Variants in WHRN observed in about 807,000 individuals in gnomAD.
The protein encoded by WHRN is CASK-interacting protein CIP98.
Under a neutral mutation model 68.3 loss-of-function variants are expected in WHRN, and 41 were observed. That is an observed-to-expected ratio of 0.60 (90% CI 0.47 to 0.78). The LOEUF is 0.78. Among genes scored for constraint, WHRN ranks in the 30% least tolerant of loss-of-function variants. The pLI, the probability that WHRN is intolerant of heterozygous loss-of-function variation, is 0.00. For missense variants in WHRN, 1,243 were observed against 1,244.7 expected, an observed-to-expected ratio of 1.00 and a Z score of 0.02; for synonymous variants, 560 against 561.3, an observed-to-expected ratio of 1.00 and a Z score of 0.03.
chr9:114,486,255 G>A lies in WHRN; in HGVS notation c.619-7484C>T, dbSNP rs79051705. On this transcript the variant is annotated intron_variant, in intron 1 of 11. Transcript: ENST00000362057. ...ATCCTTCTTTAATCCACATTTCCTC[G>A]TATCTGCGCTGCCTTCAACACTCAG... Among the ~76,000 whole-genome samples the A allele has an allele frequency of 1.4e-3, 214 of 152,004 alleles. 3 individuals carry two copies. Among genetic ancestry groups the A allele is most frequent in the East Asian group, 5.4e-3 (28 of 5,168 alleles).
intron 1 of WHRN, among the ~76,000 whole-genome samples, chr9:114,493,033 T>C (rs1167766806): frequency 6.6e-6 from 1 of 151,216 alleles, no homozygotes; most frequent in Non-Finnish European, 1.5e-5. Flanking sequence ...AGAAAAACAA[T>C]TAAGTCCATA....
chr9:114,449,204 G>A (rs1390013753), intron 3 of WHRN, among the ~76,000 whole-genome samples: 1 of 152,246 alleles, frequency 6.6e-6, no homozygotes, highest in Admixed American at 6.5e-5. Flanking sequence ...ATGACCACAT[G>A]TAAAGCCAGA....
chr9:114,480,288 C>T (rs1841997034), intron 1 of WHRN, among the ~76,000 whole-genome samples: 1 of 152,070 alleles, frequency 6.6e-6, no homozygotes, highest in Admixed American at 6.6e-5. Context: ...CCCAAGGAGA[C>T]ACTCACTAAG....
rs1835076803 is a variant in WHRN at position 114,406,893 on chromosome 9, CT to C, written c.1699-2del. 2 of 1,569,632 alleles carry C rather than the reference CT, an allele frequency of 1.3e-6. No individual in the cohort carries two copies. The highest frequency in any genetic ancestry group is 1.9e-5 in the Admixed American group (1 of 52,760). On this transcript the variant is annotated splice_acceptor_variant, in intron 8 of 11. Transcript: ENST00000362057. LOFTEE classifies it high-confidence loss of function. Reference sequence around the variant, plus strand: ...CCTGGGAGGTGGATCTGACATCATCCTGCCAAAAGACCCAACAGGCGGAGAA... The same window carrying C: ...CCTGGGAGGTGGATCTGACATCATCCGCCAAAAGACCCAACAGGCGGAGAA...
chr9:114,429,123 GT>G (rs1407389283), intron 3 of WHRN, among the ~76,000 whole-genome samples: 3 of 152,252 alleles, frequency 2.0e-5, no homozygotes, highest in Admixed American at 6.5e-5. Flanking sequence ...TAGAGGTGGG[GT>G]TTTGCCATGT....
intron 1 of WHRN, among the ~76,000 whole-genome samples, chr9:114,501,136 G>C (rs1843885762): frequency 6.6e-6 from 1 of 152,216 alleles, no homozygotes; most frequent in African/African-American, 2.4e-5. Flanking sequence ...GAAGTATGCA[G>C]CAGGGCCTAA....
At position 114,408,123 on chromosome 9, in the gene WHRN, G is replaced by A. The variant is rs962356622; in HGVS notation, c.1627-105C>T. ...TGAGGAAGTCTTAGGACACCTCCAT[G>A]TGGTTCATGTGAGCCCTGACATACC... On this transcript the variant is annotated intron_variant, in intron 7 of 11. Transcript: ENST00000362057. 5 of 880,964 alleles carry A rather than the reference G, an allele frequency of 5.7e-6. No homozygotes were observed. In the African/African-American group the frequency reaches 6.6e-5, roughly 12 times the overall value. The allele number at this position is 880,964 out of a possible 1,614,324, so 54.6% of individuals were successfully genotyped here. A position where few individuals can be genotyped will look rare whatever the true frequency, so the allele number is the denominator to read the frequency against.
intron 3 of WHRN, among the ~76,000 whole-genome samples, chr9:114,428,658 A>T (rs1473375282): frequency 6.6e-6 from 1 of 152,100 alleles, no homozygotes; most frequent in Non-Finnish European, 1.5e-5. Flanking sequence ...CTGTTTGGGG[A>T]CCACGTGATA....
chr9:114,492,241 T>G (rs1165471518), intron 1 of WHRN, among the ~76,000 whole-genome samples: 2 of 152,118 alleles, frequency 1.3e-5, no homozygotes, highest in Non-Finnish European at 2.9e-5. Context: ...TCAGAAGCTT[T>G]AAAATTGCGC....
At chr9:114,430,025 C>T (rs1837273402) in intron 3 of WHRN, among the ~76,000 whole-genome samples, 1 of 152,218 alleles carries the variant, frequency 6.6e-6, no homozygotes, top group Non-Finnish European at 1.5e-5. Flanking sequence ...TAAGTATGCC[C>T]CTCAATAGCT....
intron 7 of WHRN, among the ~76,000 whole-genome samples, chr9:114,411,199 C>T (rs778572991): frequency 6.6e-6 from 1 of 152,200 alleles, no homozygotes; most frequent in Non-Finnish European, 1.5e-5. Context: ...GCAGCCCTCT[C>T]ACACCACCTC....
Position 114,402,818 on chromosome 9 carries a change from G to T in WHRN, c.2660C>A (p.Ala887Asp). 1.2e-6 allele frequency: 2 copies of T among 1,614,110 alleles called. No homozygotes were observed. The highest frequency in any genetic ancestry group is 1.7e-6 in the Non-Finnish European group (2 of 1,180,026). Reference sequence around the variant, plus strand: ...GTAGTCACGGTCCTTAGTCTTGAAGGCCTCGGCGATAATGCGGGCGGCCTC... The same window carrying T: ...GTAGTCACGGTCCTTAGTCTTGAAGTCCTCGGCGATAATGCGGGCGGCCTC... ...HREAARIIAEAFKTKDRDYID... is the reference protein window; with the variant it reads ...HREAARIIAEDFKTKDRDYID... Residue 887 changes from alanine (A) to aspartate (D), a missense_variant, in exon 12 of 12, where the codon GCC (alanine) becomes GAC (aspartate). Coordinates refer to ENST00000362057, the MANE Select transcript of WHRN (RefSeq NM_015404.4).
At chr9:114,472,821 C>G (rs1328401303) in intron 2 of WHRN, among the ~76,000 whole-genome samples, 2 of 152,224 alleles carry the variant, frequency 1.3e-5, no homozygotes, top group East Asian at 3.9e-4. Context: ...AGGCACTGTG[C>G]TCTGTGCTTA....
At position 114,443,572 on chromosome 9, in the gene WHRN, G is replaced by A. The variant is rs115921000; in HGVS notation, c.964-17159C>T. Among the ~76,000 whole-genome samples, 1,149 of 152,258 alleles carry A rather than the reference G, an allele frequency of 7.5e-3. 15 individuals carry two copies. Among genetic ancestry groups the A allele is most frequent in the South Asian group, 0.034 (163 of 4,816 alleles). ...CTTGTGATGACACGCGACCCACCAG[G>A]ATAATCCAGGATCATCTCCCTACCT... On this transcript the variant is annotated intron_variant, in intron 3 of 11. Transcript: ENST00000362057.
chr9:114,468,526 C>T lies in WHRN; in HGVS notation c.838-2134G>A, dbSNP rs1409581091. Among the ~76,000 whole-genome samples, 3 of 152,096 alleles carry T rather than the reference C, an allele frequency of 2.0e-5. 1 individual carries two copies. The highest frequency in any genetic ancestry group is 7.2e-5 in the African/African-American group (3 of 41,420). On this transcript the variant is annotated intron_variant, in intron 2 of 11. Coordinates refer to ENST00000362057, the MANE Select transcript of WHRN (RefSeq NM_015404.4). ...AATAGACAGTGACTCTCCAGGGTTT[C>T]GTTCCAAGATGGCAGACTCTGCGGT...
intron 3 of WHRN, among the ~76,000 whole-genome samples, chr9:114,430,440 G>C (rs1366319346): frequency 1.3e-5 from 2 of 152,122 alleles, no homozygotes; most frequent in East Asian, 3.9e-4. Flanking sequence ...TGAAAATCTA[G>C]CCACCCTGGG....
At position 114,438,891 on chromosome 9, in the gene WHRN, A is replaced by G. The variant is rs545323895; in HGVS notation, c.964-12478T>C. On this transcript the variant is annotated intron_variant, in intron 3 of 11. Coordinates refer to ENST00000362057, the MANE Select transcript of WHRN (RefSeq NM_015404.4). ...AACCTAAATGTCCATACAGAGGAGA[A>G]CGGTTGGATAACGTATGGTACAGCC... Among the ~76,000 whole-genome samples, 9 of 152,352 alleles carry G rather than the reference A, an allele frequency of 5.9e-5. No individual in the cohort carries two copies. The South Asian group carries it at 1.9e-3, about 32-fold the overall frequency.
intron 1 of WHRN, among the ~76,000 whole-genome samples, chr9:114,497,343 C>A (rs1843544966): frequency 6.6e-6 from 1 of 152,068 alleles, no homozygotes; most frequent in South Asian, 2.1e-4. Flanking sequence ...CACAAATTCT[C>A]AAACGGGGAA....
intron 3 of WHRN, among the ~76,000 whole-genome samples, chr9:114,449,260 C>G (rs950778370): frequency 2.0e-5 from 3 of 152,248 alleles, no homozygotes; most frequent in Non-Finnish European, 2.9e-5. Flanking sequence ...CTTCATGCCC[C>G]TACCCTATTC....
Sources: allele counts gnomAD v4.1 joint callset (sites outside exome capture counted in the v4.1 genomes callset), GRCh38; gene constraint gnomAD v4.1.1; transcripts MANE v1.5; gene names NCBI Gene and HGNC (gene_info 2026-07-23, HGNC 2026-07-21).